The following DCC variants were observed in gnomAD, a reference collection of about 807,000 sequenced individuals.
DCC encodes the protein DCC netrin 1 receptor, also known as netrin receptor DCC.
In DCC, 58 loss-of-function variants were observed where a neutral mutation model predicts 172.5. The observed-to-expected ratio is 0.34, with a 90% CI of 0.27 to 0.42. The LOEUF (loss-of-function observed/expected upper bound fraction) is 0.42, where lower values mean the gene tolerates loss of function less well. Among genes scored for constraint, DCC ranks in the 10% least tolerant of loss-of-function variants. The probability of loss-of-function intolerance (pLI) is 1.00; values close to 1 mark genes in which losing one functional copy is unlikely to be tolerated. For synonymous variants in DCC, 709 were observed against 644.5 expected (o/e 1.10, Z -1.52); for missense variants, 1,740 against 1,791.0 (o/e 0.97, Z 0.51).
intron 2 of DCC, among the ~76,000 whole-genome samples, chr18:52,896,157 ATTG>A (rs2039726825): frequency 6.6e-6 from 1 of 152,188 alleles, no homozygotes; most frequent in Non-Finnish European, 1.5e-5. Context: ...CTTTCACAGT[ATTG>A]TTAATTATCA....
At chr18:52,772,132 A>C (rs1568093117) in intron 2 of DCC, among the ~76,000 whole-genome samples, 1 of 152,176 alleles carries the variant, frequency 6.6e-6, no homozygotes, top group Non-Finnish European at 1.5e-5. Flanking sequence ...GCTATTAACT[A>C]TCAGATTCTC....
intron 26 of DCC, among the ~76,000 whole-genome samples, chr18:53,498,592 A>G (rs913485694): frequency 4.0e-5 from 6 of 150,788 alleles, no homozygotes; most frequent in Non-Finnish European, 7.4e-5. Context: ...ATTTCCATAT[A>G]CAAAGCTTTT....
chr18:52,980,687 T>C (rs1598994796), intron 5 of DCC, among the ~76,000 whole-genome samples: 1 of 152,196 alleles, frequency 6.6e-6, no homozygotes, highest in Non-Finnish European at 1.5e-5. Flanking sequence ...TGAAAACTTA[T>C]ATTTTCTTAA....
At chr18:53,203,697 T>C (rs1193761987) in intron 9 of DCC, among the ~76,000 whole-genome samples, 2 of 152,176 alleles carry the variant, frequency 1.3e-5, no homozygotes, top group East Asian at 3.9e-4. Flanking sequence ...ATTTTTGCTA[T>C]GGAAGTTCAA....
chr18:53,033,743 T>C (rs1345752108), intron 5 of DCC, among the ~76,000 whole-genome samples: 1 of 152,086 alleles, frequency 6.6e-6, no homozygotes, highest in Non-Finnish European at 1.5e-5. Flanking sequence ...TGAACTCCCT[T>C]TCCTTTTAGA....
intron 1 of DCC, among the ~76,000 whole-genome samples, chr18:52,405,764 T>C (rs1986623459): frequency 1.3e-5 from 2 of 151,522 alleles, no homozygotes; most frequent in African/African-American, 4.8e-5. Context: ...ATTTACAGAT[T>C]CAATGCCATC....
At chr18:52,994,192 T>G (rs746160802) in intron 5 of DCC, among the ~76,000 whole-genome samples, 12 of 152,176 alleles carry the variant, frequency 7.9e-5, no homozygotes, top group Non-Finnish European at 1.5e-4. Context: ...TTGAGTTTCA[T>G]TGTTTTTCTC....
intron 27 of DCC, among the ~76,000 whole-genome samples, chr18:53,513,798 C>T (rs1286032705): frequency 1.3e-5 from 2 of 148,784 alleles, no homozygotes. Context: ...TACAGGAGCA[C>T]CAAGATTCAT....
At chr18:52,942,884 T>A (rs986823573) in intron 5 of DCC, among the ~76,000 whole-genome samples, 1 of 152,214 alleles carries the variant, frequency 6.6e-6, no homozygotes, top group African/African-American at 2.4e-5. Flanking sequence ...ACAAAATAAT[T>A]ATCATGAGAT....
At chr18:52,833,756 G>A (rs2038656393) in intron 2 of DCC, among the ~76,000 whole-genome samples, 1 of 152,006 alleles carries the variant, frequency 6.6e-6, no homozygotes, top group Non-Finnish European at 1.5e-5. Context: ...AAATTCCCAG[G>A]CTTGAGCAGT....
At chr18:52,809,440 A>T (rs1231326304) in intron 2 of DCC, 1 of 162,088 alleles carries the variant, frequency 6.2e-6, no homozygotes, top group African/African-American at 2.4e-5. Context: ...TTACAGCTCT[A>T]TTAGAAGCCA....
intron 8 of DCC, among the ~76,000 whole-genome samples, chr18:53,177,399 G>A (rs2055120471): frequency 6.6e-6 from 1 of 152,070 alleles, no homozygotes; most frequent in Non-Finnish European, 1.5e-5. Context: ...TTAGCTCCTG[G>A]CAGCCACTCA....
chr18:52,631,151 A>C (rs2034667170), intron 1 of DCC, among the ~76,000 whole-genome samples: 1 of 152,204 alleles, frequency 6.6e-6, no homozygotes. Flanking sequence ...AAAATCCTTT[A>C]AAAATAAATC....
At chr18:53,523,234 G>C (rs1245712244) in intron 27 of DCC, among the ~76,000 whole-genome samples, 1 of 152,156 alleles carries the variant, frequency 6.6e-6, no homozygotes, top group Non-Finnish European at 1.5e-5. Context: ...ACACCAGTTA[G>C]AATGGCAATC....
In DCC at chr18:52,543,361, G is replaced by A. The variant is rs548202525; in HGVS notation, c.91+202483G>A. Among the ~76,000 whole-genome samples, 154 of 152,086 alleles carry A rather than the reference G, an allele frequency of 1.0e-3. 2 individuals are homozygous for A. The highest frequency in any genetic ancestry group is 3.4e-3 in the Middle Eastern group (1 of 294). Reference sequence around the variant, plus strand: ...TTCTACTAAGCCTTCAAAATTCAGGGTGTATTTTACACTTAACAGCTCTTC... The same window carrying A: ...TTCTACTAAGCCTTCAAAATTCAGGATGTATTTTACACTTAACAGCTCTTC... On this transcript the variant is annotated intron_variant, in intron 1 of 28. Coordinates refer to ENST00000442544, the MANE Select transcript of DCC (RefSeq NM_005215.4).
intron 1 of DCC, among the ~76,000 whole-genome samples, chr18:52,510,411 G>A (rs997067956): frequency 3.3e-5 from 5 of 152,186 alleles, no homozygotes; most frequent in South Asian, 2.1e-4. Flanking sequence ...GTAGATTTGC[G>A]ATCTTGGATT....
At chr18:53,381,013 G>T (rs1907685113) in intron 15 of DCC, among the ~76,000 whole-genome samples, 1 of 152,064 alleles carries the variant, frequency 6.6e-6, no homozygotes, top group African/African-American at 2.4e-5. Flanking sequence ...CATGGCTAAA[G>T]ATCAAGTGAA....
intron 5 of DCC, among the ~76,000 whole-genome samples, chr18:52,963,955 T>G (rs1419748589): frequency 6.6e-6 from 1 of 152,102 alleles, no homozygotes; most frequent in Non-Finnish European, 1.5e-5. Context: ...TTGAGAGATT[T>G]TAAAAAGGTG....
intron 12 of DCC, among the ~76,000 whole-genome samples, chr18:53,287,614 C>G (rs549906061): frequency 6.6e-6 from 1 of 152,250 alleles, no homozygotes; most frequent in Non-Finnish European, 1.5e-5. Flanking sequence ...GCCACTTTTA[C>G]GTTCCCACCA....
Sources: gnomAD v4.1 joint callset for allele counts (sites outside exome capture counted in the v4.1 genomes callset) on GRCh38, gnomAD v4.1.1 for gene constraint, MANE v1.5 for transcripts, NCBI Gene and HGNC (gene_info 2026-07-23, HGNC 2026-07-21) for gene names.